SLC24A2: variants seen among roughly 807,000 people sequenced by gnomAD.
SLC24A2 encodes sodium/potassium/calcium exchanger 2.
Under a neutral mutation model 62.0 loss-of-function variants are expected in SLC24A2, and 36 were observed. The ratio of observed to expected loss-of-function variants is 0.58; its 90% CI spans 0.44 to 0.77. The LOEUF is 0.77. Among genes scored for constraint, SLC24A2 ranks in the 30% least tolerant of loss-of-function variants. The pLI, the probability that SLC24A2 is intolerant of heterozygous loss-of-function variation, is 0.00. For synonymous variants in SLC24A2, 358 were observed against 294.0 expected, an observed-to-expected ratio of 1.22 and a Z score of -2.23; for missense variants, 846 against 817.9, an observed-to-expected ratio of 1.03 and a Z score of -0.42.
the SLC24A2 span, among the ~76,000 whole-genome samples, chr9:20,014,297 G>A: frequency 3.7e-4 from 56 of 152,138 alleles, no homozygotes; most frequent in Non-Finnish European, 7.8e-4. Flanking sequence ...TTTAAGTACA[G>A]CCATTGTGAA....
the SLC24A2 span, among the ~76,000 whole-genome samples, chr9:20,020,762 T>C: frequency 1.3e-5 from 2 of 152,208 alleles, no homozygotes; most frequent in Non-Finnish European, 2.9e-5. Flanking sequence ...TTAAATCTAT[T>C]GGCTTTCAAA....
chr9:20,110,564 T>G, the SLC24A2 span, among the ~76,000 whole-genome samples: 1 of 152,148 alleles, frequency 6.6e-6, no homozygotes, highest in East Asian at 1.9e-4. Flanking sequence ...TTCCTTTTCT[T>G]GGTCTCCAAA....
chr9:19,827,725 G>A, the SLC24A2 span, among the ~76,000 whole-genome samples: 517 of 152,132 alleles, frequency 3.4e-3, 2 homozygotes, highest in African/African-American at 0.012. Flanking sequence ...GGAATAAGAT[G>A]ATATTTTCTA....
Position 19,512,613 on chromosome 9 carries a change from T to C in SLC24A2, c.*3540A>G, listed in dbSNP as rs1358257566. 1.3e-5 allele frequency: 2 copies of C among 152,150 alleles called. No homozygotes were observed. The highest frequency in any genetic ancestry group is 2.1e-4 in the South Asian group (1 of 4,826). 9.4% of individuals were successfully genotyped at this position (152,150 alleles called of 1,614,324 possible). Reference sequence around the variant, plus strand: ...CAATTTAGGAGTTTCTATTTGGGAATTGTCAGTTTGAGCCAAGCTGCTCTG... The same window carrying C: ...CAATTTAGGAGTTTCTATTTGGGAACTGTCAGTTTGAGCCAAGCTGCTCTG... On this transcript the variant is annotated 3_prime_UTR_variant, in exon 11 of 11. Coordinates refer to ENST00000341998, the MANE Select transcript of SLC24A2 (RefSeq NM_020344.4).
At chr9:19,580,987 G>A (rs546326232) in intron 5 of SLC24A2, among the ~76,000 whole-genome samples, 7 of 152,202 alleles carry the variant, frequency 4.6e-5, no homozygotes, top group South Asian at 2.1e-4. Flanking sequence ...ATGTGTAAAG[G>A]GCTTATCACA....
the SLC24A2 span, among the ~76,000 whole-genome samples, chr9:20,293,424 G>T: frequency 1.3e-5 from 2 of 152,128 alleles, no homozygotes; most frequent in Non-Finnish European, 2.9e-5. Context: ...GAGTGGATTT[G>T]GTGTCATTGT....
chr9:19,718,458 A>ATTTTTTTTTTT (rs58736549), intron 2 of SLC24A2, among the ~76,000 whole-genome samples: 10 of 99,794 alleles, frequency 1.0e-4, no homozygotes, highest in African/African-American at 3.1e-4. Context: ...ATGCCTGGCT[A>ATTTTTTTTTTT]TTTTTTTTTT....
the SLC24A2 span, among the ~76,000 whole-genome samples, chr9:20,140,497 G>T: frequency 1.3e-5 from 2 of 152,174 alleles, no homozygotes; most frequent in African/African-American, 4.8e-5. Context: ...AGACTGGAAA[G>T]CATAGACCAT....
the SLC24A2 span, among the ~76,000 whole-genome samples, chr9:20,278,006 T>C: frequency 1.3e-5 from 2 of 152,098 alleles, no homozygotes; most frequent in African/African-American, 2.4e-5. Context: ...AAACTCTCCA[T>C]GTTCTCACTC....
the SLC24A2 span, among the ~76,000 whole-genome samples, chr9:20,213,260 A>T: frequency 6.6e-6 from 1 of 151,950 alleles, no homozygotes; most frequent in African/African-American, 2.4e-5. Flanking sequence ...TTTAAAGAAA[A>T]AGTAAAAACT....
chr9:20,022,596 C>T, the SLC24A2 span, among the ~76,000 whole-genome samples: 10 of 152,242 alleles, frequency 6.6e-5, no homozygotes, highest in African/African-American at 2.4e-4. Flanking sequence ...TACTGTCTCA[C>T]CCACAATGGA....
At chr9:20,084,359 G>A in the SLC24A2 span, among the ~76,000 whole-genome samples, 1 of 152,126 alleles carries the variant, frequency 6.6e-6, no homozygotes, top group Non-Finnish European at 1.5e-5. Flanking sequence ...CAGGTTCAAC[G>A]ACCTGATGTC....
At chr9:19,990,846 G>T in the SLC24A2 span, among the ~76,000 whole-genome samples, 2 of 97,896 alleles carry the variant, frequency 2.0e-5, no homozygotes, top group Non-Finnish European at 2.3e-5. Context: ...AGCTGTCTTG[G>T]TTATCAAAAA....
At chr9:20,232,375 T>C in the SLC24A2 span, among the ~76,000 whole-genome samples, 1 of 152,212 alleles carries the variant, frequency 6.6e-6, no homozygotes, top group Non-Finnish European at 1.5e-5. Context: ...TGGAGTTTTT[T>C]TGGTTGGTAA....
chr9:19,619,201 T>A (rs1448686260), intron 4 of SLC24A2, among the ~76,000 whole-genome samples: 1 of 152,218 alleles, frequency 6.6e-6, no homozygotes. Context: ...TCTCTCTTTT[T>A]TAAGGTGCAC....
rs142531800 is a variant in SLC24A2, at chr9:19,685,472, A to T, written c.931-63173T>A. Among the ~76,000 whole-genome samples, 289 of 152,306 alleles carry T rather than the reference A, an allele frequency of 1.9e-3. 3 individuals are homozygous for T. The highest frequency in any genetic ancestry group is 6.6e-3 in the African/African-American group (273 of 41,580). On this transcript the variant is annotated intron_variant, in intron 2 of 10. Transcript: ENST00000341998. ...AGCCAAGGCAATCCTAAGTAAAAAG[A>T]ACAAAGCTGGAGGCATCATGTTATC...
the SLC24A2 span, among the ~76,000 whole-genome samples, chr9:20,230,506 G>C: frequency 2.6e-5 from 4 of 152,258 alleles, no homozygotes; most frequent in Admixed American, 1.3e-4. Context: ...ATTTTTTCAT[G>C]TGTCTTTTGG....
chr9:20,270,569 G>A, the SLC24A2 span, among the ~76,000 whole-genome samples: 4 of 152,112 alleles, frequency 2.6e-5, no homozygotes, highest in African/African-American at 9.7e-5. Flanking sequence ...GATTTAGCAA[G>A]GTATTTCCCT....
chr9:19,688,782 A>C (rs964903657), intron 2 of SLC24A2, among the ~76,000 whole-genome samples: 1 of 152,128 alleles, frequency 6.6e-6, no homozygotes, highest in Non-Finnish European at 1.5e-5. Context: ...TCCCTAAGCC[A>C]GAGGAATGCC....
Sources: allele counts gnomAD v4.1 joint callset (sites outside exome capture counted in the v4.1 genomes callset), GRCh38; gene constraint gnomAD v4.1.1; transcripts MANE v1.5; gene names NCBI Gene and HGNC (gene_info 2026-07-23, HGNC 2026-07-21).